Variants in DEFB124 observed in about 807,000 individuals in gnomAD.
DEFB124 encodes defensin beta 124.
For synonymous variants in DEFB124, 38 were observed against 36.5 expected (o/e 1.04, Z -0.15); for missense variants, 78 against 83.1 (o/e 0.94, Z 0.24).
chr20:31,473,247 G>C (rs1000668277), intron 1 of DEFB124, among the ~76,000 whole-genome samples: 1 of 152,176 alleles, frequency 6.6e-6, no homozygotes, highest in African/African-American at 2.4e-5. Context: ...AGCTCGGAAG[G>C]GGAGGTAGAA....
At chr20:31,472,043 AAGGC>A (rs1197155646) in intron 2 of DEFB124, among the ~76,000 whole-genome samples, 173 of 152,228 alleles carry the variant, frequency 1.1e-3, no homozygotes, top group African/African-American at 3.9e-3. Flanking sequence ...TTGGGAGGCC[AAGGC>A]AGGCGGCTGG....
At chr20:31,466,463 G>A (rs918390208) in intron 2 of DEFB124, among the ~76,000 whole-genome samples, 14 of 151,934 alleles carry the variant, frequency 9.2e-5, no homozygotes, top group African/African-American at 3.4e-4. Context: ...AGCCGGGCCT[G>A]GTGGCGGGCA....
At chr20:31,472,926 C>CACACAT (rs1366732193) in intron 2 of DEFB124, 30 bp downstream of exon 2, 1 of 1,612,002 alleles carries the variant, frequency 6.2e-7, no homozygotes, top group African/African-American at 1.3e-5. Flanking sequence ...TGCACACACA[C>CACACAT]ACACACACAC....
chr20:31,470,339 C>T (rs1600567213), intron 2 of DEFB124, among the ~76,000 whole-genome samples: 1 of 134,530 alleles, frequency 7.4e-6, no homozygotes. Context: ...CGGGCAGAGG[C>T]GCCCCTCACC....
chr20:31,466,360 G>C (rs1287875816), intron 2 of DEFB124, among the ~76,000 whole-genome samples: 1 of 151,902 alleles, frequency 6.6e-6, no homozygotes, highest in Non-Finnish European at 1.5e-5. Context: ...AGCACTTTGG[G>C]AGGCTGAGGC....
At chr20:31,470,232 A>G (rs75829573) in intron 2 of DEFB124, among the ~76,000 whole-genome samples, 115 of 85,816 alleles carry the variant, frequency 1.3e-3, no homozygotes, top group Middle Eastern at 8.6e-3. Flanking sequence ...CTCCTGGACA[A>G]GGCGGCTGGC....
intron 2 of DEFB124, among the ~76,000 whole-genome samples, chr20:31,469,453 A>G (rs916196348): frequency 6.6e-6 from 1 of 151,324 alleles, no homozygotes; most frequent in Non-Finnish European, 1.5e-5. Context: ...TTTTTTTTTA[A>G]TTTTTATTTT....
intron 2 of DEFB124, among the ~76,000 whole-genome samples, chr20:31,470,560 A>ACCCCCC (rs1568757736): frequency 4.2e-5 from 3 of 71,802 alleles, no homozygotes; most frequent in Non-Finnish European, 7.8e-5. Flanking sequence ...CGGGGGGCTG[A>ACCCCCC]CCCCACCTCC....
intron 2 of DEFB124, among the ~76,000 whole-genome samples, chr20:31,470,168 C>A (rs1188644462): frequency 2.8e-5 from 4 of 141,150 alleles, no homozygotes; most frequent in Admixed American, 1.4e-4. Context: ...AGAGGTGCCC[C>A]TCACCTCCCG....
intron 2 of DEFB124, 71 bp from the exon 3 acceptor site, chr20:31,465,734 G>A: frequency 6.4e-7 from 1 of 1,559,634 alleles, no homozygotes; most frequent in Non-Finnish European, 8.7e-7. Flanking sequence ...TCACAAGTTA[G>A]GCCACAGATT....
intron 2 of DEFB124, among the ~76,000 whole-genome samples, chr20:31,468,132 T>C (rs1458762693): frequency 7.9e-5 from 12 of 152,178 alleles, no homozygotes; most frequent in Non-Finnish European, 7.4e-5. Flanking sequence ...TTCTCCTGCA[T>C]GATCTGCACT....
At chr20:31,469,969 C>A (rs1333285116) in intron 2 of DEFB124, among the ~76,000 whole-genome samples, 1 of 150,482 alleles carries the variant, frequency 6.6e-6, no homozygotes, top group Non-Finnish European at 1.5e-5. Flanking sequence ...TTGGGTACAC[C>A]TCCCAGACGG....
At chr20:31,472,899 T>C in intron 2 of DEFB124, 57 bp downstream of exon 2, 2 of 1,579,972 alleles carry the variant, frequency 1.3e-6, no homozygotes, top group Non-Finnish European at 1.7e-6. Context: ...TAGTCCTCAT[T>C]TTTACAAGCA....
In DEFB124 at chr20:31,470,145, G is replaced by A. The variant is rs1227004722; in HGVS notation, c.58+2811C>T. ...CAGCGGGGCGCCTCACTTCCTAGTA[G>A]GGGCGGCCGGGCAGAGGTGCCCCTC... is the stretch of plus-strand genomic sequence containing the variant. On this transcript the variant is annotated intron_variant, in intron 2 of 2. Transcript: ENST00000317676. Among the ~76,000 whole-genome samples, 45 of 133,248 alleles carry A rather than the reference G, an allele frequency of 3.4e-4. 1 individual carries two copies. The highest frequency in any genetic ancestry group is 6.4e-4 in the Non-Finnish European group (40 of 62,814). 87.4% of individuals were successfully genotyped at this position (133,248 alleles called of 152,430 possible). A position where few individuals can be genotyped will look rare whatever the true frequency, so the allele number is the denominator to read the frequency against.
chr20:31,473,804 G>A (rs949524604), intron 1 of DEFB124, among the ~76,000 whole-genome samples: 1 of 152,218 alleles, frequency 6.6e-6, no homozygotes, highest in East Asian at 1.9e-4. Flanking sequence ...TAGATCACTA[G>A]TCATAGATGA....
chr20:31,468,766 C>T (rs1980147688), intron 2 of DEFB124, among the ~76,000 whole-genome samples: 1 of 152,038 alleles, frequency 6.6e-6, no homozygotes, highest in African/African-American at 2.4e-5. Flanking sequence ...TGAGCCACCG[C>T]GCCCGGCCAG....
At chr20:31,470,920 C>A (rs1349439665) in intron 2 of DEFB124, among the ~76,000 whole-genome samples, 126 of 106,780 alleles carry the variant, frequency 1.2e-3, no homozygotes, top group South Asian at 2.6e-3. Context: ...GTGGCTGGCC[C>A]GGCAGAGGGG....
At chr20:31,471,347 TGGCCGGGCG>T (rs1568758310) in intron 2 of DEFB124, among the ~76,000 whole-genome samples, 20 of 11,068 alleles carry the variant, frequency 1.8e-3, no homozygotes, top group Admixed American at 2.2e-3. Context: ...ACGGGGCGGC[TGGCCGGGCG>T]GGGGCTGACC....
At chr20:31,470,292 C>G (rs1980208434) in intron 2 of DEFB124, among the ~76,000 whole-genome samples, 1 of 144,522 alleles carries the variant, frequency 6.9e-6, no homozygotes, top group African/African-American at 2.6e-5. Context: ...GGCGGCTGGC[C>G]GGGCAGAGGG....
Sources: allele counts gnomAD v4.1 joint callset (sites outside exome capture counted in the v4.1 genomes callset), GRCh38; gene constraint gnomAD v4.1.1; transcripts MANE v1.5; gene names NCBI Gene and HGNC (gene_info 2026-07-23, HGNC 2026-07-21).